DCLK1: variants seen among roughly 807,000 people sequenced by gnomAD.
DCLK1 encodes serine/threonine-protein kinase DCLK1.
Under a neutral mutation model 86.2 loss-of-function variants are expected in DCLK1, and 16 were observed. That is an observed-to-expected ratio of 0.19 (90% CI 0.13 to 0.28). The LOEUF is 0.28. Among genes scored for constraint, DCLK1 ranks in the 10% least tolerant of loss-of-function variants. The pLI, the probability that DCLK1 is intolerant of heterozygous loss-of-function variation, is 1.00. For synonymous variants in DCLK1, 369 were observed against 370.5 expected (o/e 1.00, Z 0.05); for missense variants, 590 against 940.2 (o/e 0.63, Z 4.87).
chr13:35,979,843 C>A (rs1441952406), intron 3 of DCLK1, among the ~76,000 whole-genome samples: 1 of 152,184 alleles, frequency 6.6e-6, no homozygotes, highest in Non-Finnish European at 1.5e-5. Flanking sequence ...ATGAAGGATT[C>A]TCTGAGCAGC....
At chr13:35,955,811 G>C (rs1287434892) in intron 3 of DCLK1, among the ~76,000 whole-genome samples, 1 of 152,126 alleles carries the variant, frequency 6.6e-6, no homozygotes, top group African/African-American at 2.4e-5. Context: ...GAGAACACCA[G>C]GGATGAGCAG....
intron 3 of DCLK1, among the ~76,000 whole-genome samples, chr13:36,055,722 C>A (rs1323533168): frequency 6.6e-6 from 1 of 152,118 alleles, no homozygotes. Context: ...ATTCTAACTT[C>A]TTTAAAGCTT....
chr13:36,093,418 A>C (rs908715753), intron 3 of DCLK1, among the ~76,000 whole-genome samples: 2 of 152,220 alleles, frequency 1.3e-5, no homozygotes, highest in Non-Finnish European at 2.9e-5. Context: ...TGGTGGCTAC[A>C]AATCACCTAC....
intron 16 of DCLK1, among the ~76,000 whole-genome samples, chr13:35,786,894 C>T (rs1045917021): frequency 3.9e-5 from 6 of 151,972 alleles, no homozygotes; most frequent in African/African-American, 1.5e-4. Flanking sequence ...GTCAAAATGA[C>T]CTTAGAAAAT....
intron 10 of DCLK1, among the ~76,000 whole-genome samples, chr13:35,824,450 G>A (rs1221337623): frequency 6.6e-6 from 1 of 152,112 alleles, no homozygotes; most frequent in Non-Finnish European, 1.5e-5. Context: ...AAAATGCTGG[G>A]ATTACATGCG....
At chr13:36,052,574 C>T (rs760078909) in intron 3 of DCLK1, among the ~76,000 whole-genome samples, 2 of 152,012 alleles carry the variant, frequency 1.3e-5, no homozygotes, top group African/African-American at 2.4e-5. Flanking sequence ...AAATAAGACA[C>T]GAATTTTGCT....
intron 3 of DCLK1, among the ~76,000 whole-genome samples, chr13:35,997,618 A>G (rs1439068626): frequency 6.6e-6 from 1 of 152,236 alleles, no homozygotes; most frequent in Non-Finnish European, 1.5e-5. Context: ...CTGATTGCTA[A>G]TGAAAACATT....
chr13:35,790,659 T>C (rs550410303), intron 16 of DCLK1, among the ~76,000 whole-genome samples: 1 of 152,166 alleles, frequency 6.6e-6, no homozygotes, highest in African/African-American at 2.4e-5. Flanking sequence ...CATCACTGTA[T>C]TATATCAATT....
intron 3 of DCLK1, among the ~76,000 whole-genome samples, chr13:35,973,925 G>T (rs1401774861): frequency 2.0e-5 from 3 of 152,152 alleles, no homozygotes; most frequent in Non-Finnish European, 4.4e-5. Flanking sequence ...TGGCAGGAAA[G>T]GGATGATGTC....
intron 3 of DCLK1, among the ~76,000 whole-genome samples, chr13:36,100,238 G>C (rs969559608): frequency 6.9e-6 from 1 of 145,728 alleles, no homozygotes; most frequent in East Asian, 2.0e-4. Context: ...AATTAGCCAG[G>C]CATGGTGGTG....
intron 11 of DCLK1, among the ~76,000 whole-genome samples, chr13:35,811,821 C>T (rs933233494): frequency 7.3e-5 from 11 of 149,688 alleles, no homozygotes; most frequent in Non-Finnish European, 1.2e-4. Context: ...GCAACAAGAG[C>T]GAAAATCTGT....
chr13:36,105,366 C>T (rs1885354675), intron 3 of DCLK1, among the ~76,000 whole-genome samples: 1 of 152,012 alleles, frequency 6.6e-6, no homozygotes, highest in African/African-American at 2.4e-5. Flanking sequence ...TAACAACTAC[C>T]AACAATTGGG....
chr13:35,818,091 CAGA>C (rs1301520686), intron 11 of DCLK1, among the ~76,000 whole-genome samples: 1 of 152,168 alleles, frequency 6.6e-6, no homozygotes, highest in Non-Finnish European at 1.5e-5. Flanking sequence ...GCCAGACTCA[CAGA>C]AGATCACTGG....
intron 6 of DCLK1, chr13:35,846,162 T>G (rs1043406338): frequency 3.3e-5 from 32 of 981,414 alleles, no homozygotes; most frequent in Non-Finnish European, 3.7e-5. Context: ...ACACAAAATG[T>G]TTTTTTTTAA....
At position 36,125,755 on chromosome 13, in the gene DCLK1, C is replaced by T. The variant is rs768623690; in HGVS notation, c.376+7G>A. 1.9e-6 allele frequency: 3 copies of T among 1,609,152 alleles called. No homozygotes were observed. Among genetic ancestry groups the T allele is most frequent in the Non-Finnish European group, 1.7e-6 (2 of 1,177,138 alleles). On this transcript the variant is annotated splice_region_variant and intron_variant, in intron 2 of 16. Transcript: ENST00000360631. Reference sequence around the variant, plus strand: ...GGGTCACGTGGGGGTTATCTCACAGCGCTCACCTTCCACCAGTTGGTCCAG... The same window carrying T: ...GGGTCACGTGGGGGTTATCTCACAGTGCTCACCTTCCACCAGTTGGTCCAG...
chr13:35,852,415 T>C (rs561825252), intron 6 of DCLK1, among the ~76,000 whole-genome samples: 1 of 152,282 alleles, frequency 6.6e-6, no homozygotes, highest in South Asian at 2.1e-4. Context: ...ATTCAAAAGC[T>C]TGGAAATGGA....
intron 11 of DCLK1, among the ~76,000 whole-genome samples, chr13:35,822,128 T>C (rs1473436650): frequency 6.6e-6 from 1 of 151,940 alleles, no homozygotes; most frequent in African/African-American, 2.4e-5. Flanking sequence ...AAAAACTTCT[T>C]TTTACTTTTC....
chr13:35,855,606 G>T (rs1203220669), intron 5 of DCLK1: 2 of 1,552,336 alleles, frequency 1.3e-6, no homozygotes, highest in Non-Finnish European at 1.8e-6. Context: ...CCGCGGAAAT[G>T]GGAATCGGTT....
intron 3 of DCLK1, among the ~76,000 whole-genome samples, chr13:35,951,725 G>A (rs114367157): frequency 8.2e-4 from 125 of 152,028 alleles, no homozygotes; most frequent in African/African-American, 2.9e-3. Context: ...TAATTCAGCC[G>A]AGAGTGACTT....
Sources: allele counts gnomAD v4.1 joint callset (sites outside exome capture counted in the v4.1 genomes callset), GRCh38; gene constraint gnomAD v4.1.1; transcripts MANE v1.5; gene names NCBI Gene and HGNC (gene_info 2026-07-23, HGNC 2026-07-21).